SIDT2: variants seen among roughly 807,000 people sequenced by gnomAD.
SIDT2 encodes the protein SID1 transmembrane family, member 2.
Under a neutral mutation model 114.4 loss-of-function variants are expected in SIDT2, and 68 were observed. The observed-to-expected ratio is 0.59, with a 90% CI of 0.49 to 0.73. The LOEUF is 0.73. Ranked by LOEUF, SIDT2 falls within the 30% of genes least tolerant of loss-of-function variation. SIDT2 has a pLI of 0.00. For missense variants in SIDT2, 918 were observed against 1,097.1 expected (o/e 0.84, Z 2.31); for synonymous variants, 470 against 438.4 (o/e 1.07, Z -0.90).
chr11:117,195,536 G>A (rs1042103785), intron 24 of SIDT2, among the ~76,000 whole-genome samples: 4 of 152,198 alleles, frequency 2.6e-5, no homozygotes, highest in African/African-American at 9.7e-5. Flanking sequence ...GTGCTCTTAG[G>A]TCAAGGGAAG....
rs474339 is a variant in SIDT2, at chr11:117,188,836, G to A, written c.1278+10G>A. 1,138,929 of 1,612,354 alleles carry A rather than the reference G, an allele frequency of 0.71. 413,957 individuals are homozygous for A. The highest frequency in any genetic ancestry group is 0.76 in the Non-Finnish European group (899,431 of 1,178,546). On this transcript the variant is annotated intron_variant, in intron 13 of 25. Coordinates refer to ENST00000324225, the MANE Select transcript of SIDT2 (RefSeq NM_001040455.2). The surrounding 1 kb of genome is among the most constrained non-coding windows in gnomAD (Gnocchi z 4.0). ...TGTCATTCGCACCAAGGTCTGACCC[G>A]TGGGCCTGGCCTGGTCAGGCGTTTC...
rs759046981 is a variant in SIDT2, at chr11:117,190,300, A to ACCTG, written c.1617+22_1617+25dup. ...GACCTCTGTGCCCTGGTAAGGGAGCACCTGCCTGCCTGCCGCAGCCTCAGC... is the reference window on the plus strand; with the variant it reads ...GACCTCTGTGCCCTGGTAAGGGAGCACCTGCCTGCCTGCCTGCCGCAGCCTCAGC... On this transcript the variant is annotated intron_variant, in intron 17 of 25. Coordinates refer to ENST00000324225, the MANE Select transcript of SIDT2 (RefSeq NM_001040455.2). The surrounding 1 kb of genome is among the most constrained non-coding windows in gnomAD (Gnocchi z 4.1). 6 of 1,524,566 alleles carry ACCTG rather than the reference A, an allele frequency of 3.9e-6. No homozygotes were observed. Among genetic ancestry groups the ACCTG allele is most frequent in the South Asian group, 1.3e-5 (1 of 76,420 alleles). The allele number at this position is 1,524,566 out of a possible 1,614,324, so 94.4% of individuals were successfully genotyped here.
At chr11:117,183,998 C>A in intron 7 of SIDT2, 76 bp from the exon 8 acceptor site, 1 of 1,563,782 alleles carries the variant, frequency 6.4e-7, no homozygotes, top group South Asian at 1.1e-5. Flanking sequence ...TGGCTCCAGT[C>A]TCTCAAAGGC....
intron 15 of SIDT2, 102 bp from the exon 16 acceptor site, chr11:117,189,850 T>C (rs1434912196): frequency 5.9e-6 from 6 of 1,012,546 alleles, no homozygotes; most frequent in Non-Finnish European, 9.3e-6. Flanking sequence ...CTGCTAGCTG[T>C]GGTGGCACTT....
rs780843161 is a variant in SIDT2, at chr11:117,188,723, C to T, written c.1175C>T (p.Pro392Leu). Residue 392 changes from proline (P) to leucine (L), a missense_variant, in exon 13 of 26, where the codon CCT becomes CTT. Around this residue, in one of 4 missense-constraint regions of SIDT2, gnomAD observed 553 missense variants for 600.1 expected, o/e 0.92. Coordinates refer to ENST00000324225, the MANE Select transcript of SIDT2 (RefSeq NM_001040455.2). This position sits in a 1 kb window ranked among gnomAD's most constrained non-coding sequence, Gnocchi z 4.0. Reference protein sequence around the residue: ...SYGYQGRSFEPVGTRPRVDSM... With the variant: ...SYGYQGRSFELVGTRPRVDSM... Reference sequence around the variant, plus strand: ...CCCTTTCCAGGCCGCTCCTTTGAACCTGTAGGTACTCGGCCCCGAGTGGAC... The same window carrying T: ...CCCTTTCCAGGCCGCTCCTTTGAACTTGTAGGTACTCGGCCCCGAGTGGAC... The T allele has an allele frequency of 3.1e-6, 5 of 1,614,170 alleles. No individual in the cohort carries two copies. The highest frequency in any genetic ancestry group is 4.2e-6 in the Non-Finnish European group (5 of 1,179,978).
intron 4 of SIDT2, 119 bp downstream of exon 4, chr11:117,182,224 C>T (rs564015365): frequency 2.6e-6 from 3 of 1,175,766 alleles, no homozygotes; most frequent in Admixed American, 4.2e-5. Flanking sequence ...ATGGAGGGCT[C>T]TCTGGAAACA....
chr11:117,187,777 C>T lies in SIDT2; in HGVS notation c.1159+78C>T, dbSNP rs1265831569. On this transcript the variant is annotated intron_variant, in intron 12 of 25. Coordinates refer to ENST00000324225, the MANE Select transcript of SIDT2 (RefSeq NM_001040455.2). ...GTAAAATGTCACGGTGGGCGGTTGC[C>T]TCTTCTGCCAGATGCTGGAACCTGG... The T allele has an allele frequency of 8.5e-6, 12 of 1,411,032 alleles. No individual in the cohort carries two copies. In the East Asian group the frequency reaches 2.5e-4, roughly 29 times the overall value. The allele number at this position is 1,411,032 out of a possible 1,614,324, so 87.4% of individuals were successfully genotyped here. A position where few individuals can be genotyped will look rare whatever the true frequency, so the allele number is the denominator to read the frequency against.
rs997218563 is a variant in SIDT2 at position 117,197,387 on chromosome 11, T to C, written c.*1321T>C. ...CTTTTCTCAGAGCGTCTCCATGCTA[T>C]GGTTGCATTTCCGTTTTCTATGAAT... On this transcript the variant is annotated 3_prime_UTR_variant, in exon 26 of 26. Coordinates refer to ENST00000324225, the MANE Select transcript of SIDT2 (RefSeq NM_001040455.2). The C allele has an allele frequency of 6.5e-6, 1 of 152,678 alleles. No homozygotes were observed. The highest frequency in any genetic ancestry group is 2.4e-5 in the African/African-American group (1 of 41,456). 9.5% of individuals were successfully genotyped at this position (152,678 alleles called of 1,614,324 possible).
rs137941267 is a variant in SIDT2, at chr11:117,188,731, A to G, written c.1183A>G (p.Thr395Ala). 1.2e-4 allele frequency: 200 copies of G among 1,613,946 alleles called. No homozygotes were observed. The highest frequency in any genetic ancestry group is 1.6e-4 in the Non-Finnish European group (191 of 1,179,980). The change falls in exon 13 of 26, where the codon ACT becomes GCT. Residue 395 changes from threonine to alanine, a missense_variant. This residue lies in a region of SIDT2 where 553 missense variants were observed against 600.1 expected (regional missense o/e 0.92). Coordinates refer to ENST00000324225, the MANE Select transcript of SIDT2 (RefSeq NM_001040455.2). This position sits in a 1 kb window ranked among gnomAD's most constrained non-coding sequence, Gnocchi z 4.0. ...YQGRSFEPVG[T>A]RPRVDSMSSV... ...AGGCCGCTCCTTTGAACCTGTAGGT[A>G]CTCGGCCCCGAGTGGACTCCATGAG...
Position 117,192,159 on chromosome 11 carries a change from C to A in SIDT2, c.1873-95C>A. The A allele has an allele frequency of 6.6e-7, 1 of 1,514,046 alleles. No individual in the cohort carries two copies. Among genetic ancestry groups the A allele is most frequent in the South Asian group, 1.2e-5 (1 of 85,882 alleles). 93.8% of individuals were successfully genotyped at this position (1,514,046 alleles called of 1,614,324 possible). A position where few individuals can be genotyped will look rare whatever the true frequency, so the allele number is the denominator to read the frequency against. ...TGCCTTCCTGGGCCCCTCTCAGAGT[C>A]CCAGCCTGGCTGAGCAGCCAGCCCC... On this transcript the variant is annotated intron_variant, in intron 19 of 25. Transcript: ENST00000324225. The surrounding 1 kb of genome is among the most constrained non-coding windows in gnomAD (Gnocchi z 5.9).
chr11:117,187,598 TC>T, intron 11 of SIDT2, 29 bp from the exon 12 acceptor site: 1 of 1,613,350 alleles, frequency 6.2e-7, no homozygotes, highest in East Asian at 2.2e-5. Context: ...GGCCTCTCCT[TC>T]CTGCCTCACC....
intron 10 of SIDT2, 122 bp from the exon 11 acceptor site, chr11:117,187,256 G>C: frequency 9.6e-7 from 1 of 1,046,494 alleles, no homozygotes; most frequent in South Asian, 1.3e-5. Context: ...GATAGGTGCT[G>C]CTTCTCGTCT....
rs2030529911 is a variant in SIDT2 at position 117,187,237 on chromosome 11, G to C, written c.1016-141G>C. The stretch of plus-strand genomic sequence containing the variant: ...GGTGGTGGTGGCAGCAGTGGGGTGT[G>C]TTTGCCTGGATAGGTGCTGCTTCTC... On this transcript the variant is annotated intron_variant, in intron 10 of 25. Transcript: ENST00000324225. The C allele has an allele frequency of 6.3e-6, 6 of 956,792 alleles. No individual in the cohort carries two copies. The East Asian group carries it at 1.5e-4, about 24-fold the overall frequency. 59.3% of individuals were successfully genotyped at this position (956,792 alleles called of 1,614,324 possible). A position where few individuals can be genotyped will look rare whatever the true frequency, so the allele number is the denominator to read the frequency against.
chr11:117,181,861 C>A lies in SIDT2; in HGVS notation c.360C>A (p.Pro120=), dbSNP rs373844476. ...QKVERTLCQP[P]TKNESEIQFF... ...TGGAACGAACCCTGTGTCAGCCCCC[C>A]ACCAAGAATGAGTCGGAGATTCAGT... The change falls in exon 3 of 26, where the codon CCC becomes CCA. Residue 120 remains proline, a synonymous_variant. Coordinates refer to ENST00000324225, the MANE Select transcript of SIDT2 (RefSeq NM_001040455.2). The A allele has an allele frequency of 5.8e-5, 93 of 1,614,216 alleles. No homozygotes were observed. In the African/African-American group the frequency reaches 7.5e-4, roughly 13 times the overall value.
chr11:117,189,564 C>G, intron 15 of SIDT2, 163 bp downstream of exon 15: 1 of 705,304 alleles, frequency 1.4e-6, no homozygotes, highest in Non-Finnish European at 2.4e-6. Flanking sequence ...ATAACCCCCC[C>G]AACCCTGAGT....
intron 1 of SIDT2, 77 bp downstream of exon 1, chr11:117,179,523 C>G (rs1323047397): frequency 4.0e-6 from 6 of 1,494,376 alleles, no homozygotes; most frequent in Non-Finnish European, 5.4e-6. Context: ...GCCCCGCTAC[C>G]CTTTTGGGAG....
At chr11:117,185,902 G>T in intron 8 of SIDT2, 14 of 331,690 alleles carry the variant, frequency 4.2e-5, no homozygotes, top group East Asian at 1.2e-4. Context: ...AAAAGTAGAA[G>T]AGAAAGTTCT....
intron 1 of SIDT2, 25 bp from the exon 2 acceptor site, chr11:117,181,391 G>A (rs144646355): frequency 0.015 from 23,448 of 1,612,760 alleles, 203 homozygotes; most frequent in Non-Finnish European, 0.018. Flanking sequence ...AGAGGCTTGA[G>A]AGGCATTTCC....
intron 8 of SIDT2, 145 bp from the exon 9 acceptor site, chr11:117,185,985 C>G (rs2030480125): frequency 1.7e-6 from 1 of 604,620 alleles, no homozygotes; most frequent in African/African-American, 1.9e-5. Context: ...GCCAGTTGTT[C>G]ATACTGGCTA....
Sources: allele counts gnomAD v4.1 joint callset (sites outside exome capture counted in the v4.1 genomes callset), GRCh38; gene constraint gnomAD v4.1.1; regional missense constraint gnomAD v4.1.1; non-coding constraint Gnocchi (gnomAD v3.1); transcripts MANE v1.5; gene names NCBI Gene and HGNC (gene_info 2026-07-23, HGNC 2026-07-21).